Variants in SLC25A26 observed in about 807,000 individuals in gnomAD.
SLC25A26 encodes solute carrier family 25 member 26.
Under a neutral mutation model 37.8 loss-of-function variants are expected in SLC25A26, and 36 were observed. The ratio of observed to expected loss-of-function variants is 0.95; its 90% confidence interval spans 0.73 to 1.26. The LOEUF is 1.26. SLC25A26 is among the 50% of genes most tolerant of loss of function. The probability of loss-of-function intolerance (pLI) is 0.00; values close to 1 mark genes in which losing one functional copy is unlikely to be tolerated. For synonymous variants in SLC25A26, 129 were observed against 122.5 expected, an observed-to-expected ratio of 1.05 and a Z score of -0.35; for missense variants, 390 against 331.1, an observed-to-expected ratio of 1.18 and a Z score of -1.38.
At chr3:66,342,654 CT>C (rs879262377) in intron 5 of SLC25A26, among the ~76,000 whole-genome samples, 1 of 152,094 alleles carries the variant, frequency 6.6e-6, no homozygotes, top group Non-Finnish European at 1.5e-5. Flanking sequence ...TAATTTTGTT[CT>C]TTATTTCATT....
At chr3:66,239,938 T>C (rs1340931135) in intron 2 of SLC25A26, among the ~76,000 whole-genome samples, 1 of 151,966 alleles carries the variant, frequency 6.6e-6, no homozygotes, top group Non-Finnish European at 1.5e-5. Context: ...TGACTCTCTC[T>C]TGTAATGTCA....
intron 5 of SLC25A26, among the ~76,000 whole-genome samples, chr3:66,271,444 C>T (rs1331760101): frequency 6.6e-6 from 1 of 152,128 alleles, no homozygotes; most frequent in African/African-American, 2.4e-5. Context: ...TGCTTTCAGG[C>T]ATCATAGTTC....
At chr3:66,306,810 T>C (rs2075238225) in intron 5 of SLC25A26, among the ~76,000 whole-genome samples, 1 of 152,244 alleles carries the variant, frequency 6.6e-6, no homozygotes, top group Non-Finnish European at 1.5e-5. Flanking sequence ...TTTAGCTTCA[T>C]CCATGTCCCT....
Position 66,221,032 on chromosome 3 carries a change from C to G in SLC25A26, c.-63C>G. ...GCCTCAAACATGGCGGCGCCCAGCG[C>G]GCGAGGACGTGATCCGCTTCTGCTC... On this transcript the variant is annotated 5_prime_UTR_variant, in exon 1 of 10. Coordinates refer to ENST00000354883, the MANE Select transcript of SLC25A26 (RefSeq NM_001379210.1). 5 of 1,518,560 alleles carry G rather than the reference C, an allele frequency of 3.3e-6. No individual in the cohort carries two copies. Among genetic ancestry groups the G allele is most frequent in the Non-Finnish European group, 4.4e-6 (5 of 1,130,580 alleles). The allele number at this position is 1,518,560 out of a possible 1,614,324, so 94.1% of individuals were successfully genotyped here.
chr3:66,374,965 A>T (rs1272935674), intron 9 of SLC25A26, among the ~76,000 whole-genome samples: 3 of 152,236 alleles, frequency 2.0e-5, no homozygotes, highest in African/African-American at 7.2e-5. Context: ...GATAGGCCAG[A>T]ATCTAGGCCT....
At chr3:66,287,137 A>G (rs1387641112) in intron 5 of SLC25A26, among the ~76,000 whole-genome samples, 1 of 152,110 alleles carries the variant, frequency 6.6e-6, no homozygotes, top group Non-Finnish European at 1.5e-5. Context: ...TCTACTAAAA[A>G]TACAAAAAAT....
chr3:66,316,630 G>A (rs1190965577), intron 5 of SLC25A26, among the ~76,000 whole-genome samples: 1 of 152,044 alleles, frequency 6.6e-6, no homozygotes, highest in Non-Finnish European at 1.5e-5. Flanking sequence ...TCTTCCTGGG[G>A]TTCTCTGGAG....
intron 1 of SLC25A26, among the ~76,000 whole-genome samples, chr3:66,148,952 A>G (rs2070159244): frequency 6.6e-6 from 1 of 152,210 alleles, no homozygotes; most frequent in South Asian, 2.1e-4. Flanking sequence ...AAGGACAGAC[A>G]TGGTAGCCAT....
At chr3:66,238,727 T>G (rs530612249) in intron 2 of SLC25A26, among the ~76,000 whole-genome samples, 1 of 152,106 alleles carries the variant, frequency 6.6e-6, no homozygotes, top group South Asian at 2.1e-4. Context: ...AAGAAAATCA[T>G]AAGGAAGAGA....
rs143552527 is a variant in SLC25A26, at chr3:66,223,580, T to G, written c.33+2453T>G. On this transcript the variant is annotated intron_variant, in intron 1 of 9. Transcript: ENST00000354883. ...CCTGAGGGAGTTTGGTTTTGCTTAC[T>G]ACTCTTTTACCAGTACCTGGCACTA... 3.7e-3 allele frequency among the ~76,000 whole-genome samples: 561 copies of G among 152,358 alleles called. 3 individuals carry two copies. Among genetic ancestry groups the G allele is most frequent in the East Asian group, 0.017 (89 of 5,186 alleles).
chr3:66,346,056 G>C (rs332355), intron 5 of SLC25A26, among the ~76,000 whole-genome samples: 1 of 152,130 alleles, frequency 6.6e-6, no homozygotes, highest in Non-Finnish European at 1.5e-5. Flanking sequence ...TTAGCTGGGT[G>C]TGGTGGCGTG....
At position 66,237,300 on chromosome 3, in the gene SLC25A26, C is replaced by T. The variant is rs143134322; in HGVS notation, c.190+600C>T. On this transcript the variant is annotated intron_variant, in intron 2 of 9. Transcript: ENST00000354883. Reference sequence around the variant, plus strand: ...TAATGCTGTGATTCTTCAGAACAATCATTCTCAACTTTGCCTGCACATTAG... The same window carrying T: ...TAATGCTGTGATTCTTCAGAACAATTATTCTCAACTTTGCCTGCACATTAG... Among the ~76,000 whole-genome samples the T allele has an allele frequency of 5.2e-4, 79 of 152,356 alleles. 2 individuals are homozygous for T. Among genetic ancestry groups the T allele is most frequent in the African/African-American group, 1.7e-3 (70 of 41,584 alleles).
In SLC25A26 at chr3:66,277,282, G is replaced by A. The variant is rs575659600; in HGVS notation, c.453+13903G>A. 7.9e-5 allele frequency among the ~76,000 whole-genome samples: 12 copies of A among 152,160 alleles called. No homozygotes were observed. In the East Asian group the frequency reaches 1.5e-3, roughly 20 times the overall value. On this transcript the variant is annotated intron_variant, in intron 5 of 9. Coordinates refer to ENST00000354883, the MANE Select transcript of SLC25A26 (RefSeq NM_001379210.1). ...ACATTCTGATTTCATCCAGAAATAC[G>A]TCACTATGCATCTCTAAAAGATAAC... is the stretch of plus-strand genomic sequence containing the variant.
At chr3:66,237,137 G>C (rs2072331055) in intron 2 of SLC25A26, among the ~76,000 whole-genome samples, 1 of 152,058 alleles carries the variant, frequency 6.6e-6, no homozygotes, top group African/African-American at 2.4e-5. Context: ...CACTGTGCTG[G>C]GCCTAACCCA....
At chr3:66,351,575 G>A (rs1007735931) in intron 6 of SLC25A26, among the ~76,000 whole-genome samples, 1 of 152,062 alleles carries the variant, frequency 6.6e-6, no homozygotes, top group South Asian at 2.1e-4. Context: ...TCCATGGCAA[G>A]CCCCTTCCTC....
intron 5 of SLC25A26, among the ~76,000 whole-genome samples, chr3:66,315,454 T>C (rs1175309628): frequency 1.3e-5 from 2 of 152,222 alleles, no homozygotes; most frequent in Non-Finnish European, 2.9e-5. Flanking sequence ...TCATCTTAAG[T>C]TCTGATTTGA....
At chr3:66,250,663 A>T (rs2073048312) in intron 3 of SLC25A26, among the ~76,000 whole-genome samples, 1 of 152,166 alleles carries the variant, frequency 6.6e-6, no homozygotes, top group African/African-American at 2.4e-5. Flanking sequence ...TGATGGGTTT[A>T]TTGGGACATA....
At chr3:66,314,747 C>G (rs1029262662) in intron 5 of SLC25A26, among the ~76,000 whole-genome samples, 1 of 147,796 alleles carries the variant, frequency 6.8e-6, no homozygotes, top group Non-Finnish European at 1.5e-5. Flanking sequence ...CCGTCTGGTT[C>G]TGGGCTTTTT....
intron 5 of SLC25A26, among the ~76,000 whole-genome samples, chr3:66,340,503 G>C (rs1017172989): frequency 2.0e-5 from 3 of 151,930 alleles, no homozygotes; most frequent in African/African-American, 7.3e-5. Flanking sequence ...CGGACCACCC[G>C]TTCTCACACG....
Sources: gnomAD v4.1 joint callset for allele counts (sites outside exome capture counted in the v4.1 genomes callset) on GRCh38, gnomAD v4.1.1 for gene constraint, MANE v1.5 for transcripts, NCBI Gene and HGNC (gene_info 2026-07-23, HGNC 2026-07-21) for gene names.